The following TTC9C variants were observed in gnomAD, a reference collection of about 807,000 sequenced individuals.
TTC9C encodes tetratricopeptide repeat domain 9C.
Under a neutral mutation model 22.5 loss-of-function variants are expected in TTC9C, and 15 were observed. The observed-to-expected ratio is 0.67, with a 90% CI of 0.45 to 1.03. The LOEUF (loss-of-function observed/expected upper bound fraction) is 1.03. Among genes scored for constraint, TTC9C ranks in the 50% least tolerant of loss-of-function variants. The probability of loss-of-function intolerance (pLI) is 0.00; values close to 1 mark genes in which losing one functional copy is unlikely to be tolerated. For synonymous variants in TTC9C, 92 were observed against 86.8 expected (o/e 1.06, Z -0.33); for missense variants, 244 against 214.6 (o/e 1.14, Z -0.86).
chr11:62,738,229 A>T, intron 2 of TTC9C, 59 bp from the exon 3 acceptor site: 2 of 1,053,878 alleles, frequency 1.9e-6, no homozygotes, highest in Non-Finnish European at 2.9e-6. Context: ...GCCACAAGGT[A>T]TGATTATGGT....
Position 62,729,053 on chromosome 11 carries a change from A to G in TTC9C, c.205A>G (p.Thr69Ala). Reference sequence around the variant, plus strand: ...GCCTGAACAAGAAAACATATTGCATACCACCCAGACAGACTGCTATAACAA... The same window carrying G: ...GCCTGAACAAGAAAACATATTGCATGCCACCCAGACAGACTGCTATAACAA... ...LTPEQENILH[T>A]TQTDCYNNLA... The change falls in exon 1 of 3, where the codon ACC becomes GCC. Residue 69 changes from threonine to alanine, a missense_variant. By Grantham distance (58) the Thr-to-Ala change is moderately conservative. Transcript: ENST00000316461. 1 of 1,614,112 alleles carries G rather than the reference A, an allele frequency of 6.2e-7. No homozygotes were observed. The highest frequency in any genetic ancestry group is 8.5e-7 in the Non-Finnish European group (1 of 1,180,016).
Position 62,728,542 on chromosome 11 carries a change from T to C in TTC9C, c.-307T>C, listed in dbSNP as rs2083793503. 3.9e-6 allele frequency: 2 copies of C among 514,806 alleles called. No homozygotes were observed. The highest frequency in any genetic ancestry group is 7.5e-6 in the Non-Finnish European group (2 of 265,910). The allele number at this position is 514,806 out of a possible 1,614,324, so 31.9% of individuals were successfully genotyped here. On this transcript the variant is annotated 5_prime_UTR_variant, in exon 1 of 3. Transcript: ENST00000316461. Reference sequence around the variant, plus strand: ...TTCCTGAGTAGGGCCTTGCTTGAGTTCTTCGGAAAGTCTCATCCACCCCCA... The same window carrying C: ...TTCCTGAGTAGGGCCTTGCTTGAGTCCTTCGGAAAGTCTCATCCACCCCCA...
Sources: allele counts gnomAD v4.1 joint callset, GRCh38; gene constraint gnomAD v4.1.1; transcripts MANE v1.5; gene names NCBI Gene and HGNC (gene_info 2026-07-23, HGNC 2026-07-21).